COG4: variants seen among roughly 807,000 people sequenced by gnomAD.
COG4 encodes conserved oligomeric Golgi complex subunit 4.
In COG4, 65 loss-of-function variants were observed where a neutral mutation model predicts 95.1. That is an observed-to-expected ratio of 0.68 (90% confidence interval 0.56 to 0.84). COG4 has a LOEUF of 0.84. COG4 is among the 40% of genes least tolerant of loss of function. The probability of loss-of-function intolerance (pLI) is 0.00; values close to 1 mark genes in which losing one functional copy is unlikely to be tolerated. For missense variants in COG4, 1,045 were observed against 989.1 expected, an observed-to-expected ratio of 1.06 and a Z score of -0.76; for synonymous variants, 421 against 374.8, an observed-to-expected ratio of 1.12 and a Z score of -1.42.
chr16:70,498,082 T>C (rs370278656), intron 9 of COG4, 27 bp from the exon 10 acceptor site: 5 of 1,459,178 alleles, frequency 3.4e-6, no homozygotes, highest in Admixed American at 1.7e-5. Flanking sequence ...AAAGGAATAC[T>C]CATTTTTTTT....
At chr16:70,514,274 G>C (rs1462028881) in intron 4 of COG4, 61 bp downstream of exon 4, 1 of 1,482,926 alleles carries the variant, frequency 6.7e-7, no homozygotes, top group African/African-American at 1.4e-5. Context: ...GGTCGAGTCT[G>C]CTTACTTCAG....
chr16:70,509,400 G>C lies in COG4; in HGVS notation c.845-12C>G, dbSNP rs766724739. 75 of 1,613,998 alleles carry C rather than the reference G, an allele frequency of 4.6e-5. No homozygotes were observed. The highest frequency in any genetic ancestry group is 3.4e-5 in the Non-Finnish European group (40 of 1,179,974). On this transcript the variant is annotated splice_polypyrimidine_tract_variant and intron_variant, in intron 6 of 18. Transcript: ENST00000323786. Reference sequence around the variant, plus strand: ...AATGCGGGCAATCCCTAGAAGGGAGGAAGCAATAGGGTTATATTCCAAGTA... The same window carrying C: ...AATGCGGGCAATCCCTAGAAGGGAGCAAGCAATAGGGTTATATTCCAAGTA...
intron 12 of COG4, among the ~76,000 whole-genome samples, chr16:70,495,291 G>A (rs1248731526): frequency 1.3e-5 from 2 of 151,746 alleles, no homozygotes; most frequent in East Asian, 1.9e-4. Context: ...CAGCTACTCG[G>A]GAGGCTAAAG....
intron 13 of COG4, among the ~76,000 whole-genome samples, chr16:70,487,483 G>C (rs1370819556): frequency 6.6e-6 from 1 of 152,060 alleles, no homozygotes; most frequent in Non-Finnish European, 1.5e-5. Context: ...TATAATCCCA[G>C]CTACTCCAGA....
At chr16:70,487,655 C>T (rs1057050730) in intron 13 of COG4, among the ~76,000 whole-genome samples, 2 of 152,212 alleles carry the variant, frequency 1.3e-5, no homozygotes, top group African/African-American at 4.8e-5. Flanking sequence ...TTATGTTGTA[C>T]AAGTGTTCAC....
Position 70,482,194 on chromosome 16 carries a change from G to A in COG4, c.1921-19C>T, listed in dbSNP as rs770170687. 7.8e-6 allele frequency: 12 copies of A among 1,548,324 alleles called. No homozygotes were observed. The South Asian group carries it at 7.8e-5, about 10-fold the overall frequency. Reference sequence around the variant, plus strand: ...ATTCTTCCTGTTGTCAGGAAGCAGGGCTGGTCACCATGGGCCTCATAAGAA... The same window carrying A: ...ATTCTTCCTGTTGTCAGGAAGCAGGACTGGTCACCATGGGCCTCATAAGAA... On this transcript the variant is annotated intron_variant, in intron 15 of 18. Transcript: ENST00000323786.
chr16:70,495,969 C>T (rs2049331748), intron 12 of COG4, among the ~76,000 whole-genome samples: 1 of 152,194 alleles, frequency 6.6e-6, no homozygotes, highest in Non-Finnish European at 1.5e-5. Flanking sequence ...CAGATGCAAG[C>T]CAAGCTTGGC....
intron 12 of COG4, among the ~76,000 whole-genome samples, chr16:70,492,518 G>A (rs940386923): frequency 4.0e-5 from 6 of 151,832 alleles, no homozygotes; most frequent in African/African-American, 7.3e-5. Flanking sequence ...AAAATTAGCC[G>A]GGCGTGGTGG....
intron 8 of COG4, among the ~76,000 whole-genome samples, chr16:70,503,357 A>C (rs1300335953): frequency 6.6e-6 from 1 of 152,058 alleles, no homozygotes; most frequent in Non-Finnish European, 1.5e-5. Flanking sequence ...ACCTGACCCC[A>C]AGACATCTTT....
intron 11 of COG4, 81 bp downstream of exon 11, chr16:70,497,140 C>T: frequency 1.5e-6 from 2 of 1,354,088 alleles, no homozygotes; most frequent in Non-Finnish European, 2.1e-6. Context: ...ATCATGAGGA[C>T]AAAGGGCAGA....
At chr16:70,520,413 C>G (rs2049916302) in intron 1 of COG4, among the ~76,000 whole-genome samples, 1 of 108,522 alleles carries the variant, frequency 9.2e-6, no homozygotes, top group South Asian at 3.9e-4. Context: ...GAGCCGAGAT[C>G]ATGCCACTGC....
At chr16:70,503,775 T>C (rs1351625080) in intron 8 of COG4, among the ~76,000 whole-genome samples, 2 of 138,868 alleles carry the variant, frequency 1.4e-5, no homozygotes, top group Non-Finnish European at 2.9e-5. Context: ...TTTGTATTTT[T>C]AGTAGAGACG....
rs1379437889 is a variant in COG4 at position 70,480,786 on chromosome 16, C to T, written c.*224G>A. 2 of 577,416 alleles carry T rather than the reference C, an allele frequency of 3.5e-6. No individual in the cohort carries two copies. Among genetic ancestry groups the T allele is most frequent in the Admixed American group, 6.1e-5 (2 of 32,832 alleles). 35.8% of individuals were successfully genotyped at this position (577,416 alleles called of 1,614,324 possible). On this transcript the variant is annotated 3_prime_UTR_variant, in exon 19 of 19. Coordinates refer to ENST00000323786, the MANE Select transcript of COG4 (RefSeq NM_015386.3). Reference sequence around the variant, plus strand: ...CGTGGCTTTCCCACCTCATTAGGAGCCCGCTTCTCTCGGTGGGGAGATGCT... The same window carrying T: ...CGTGGCTTTCCCACCTCATTAGGAGTCCGCTTCTCTCGGTGGGGAGATGCT...
Position 70,480,814 on chromosome 16 carries a change from CCCCA to C in COG4, c.*192_*195del. The C allele has an allele frequency of 1.8e-5, 11 of 606,534 alleles. No homozygotes were observed. Among genetic ancestry groups the C allele is most frequent in the Non-Finnish European group, 3.1e-5 (11 of 351,280 alleles). 37.6% of individuals were successfully genotyped at this position (606,534 alleles called of 1,614,324 possible). A position where few individuals can be genotyped will look rare whatever the true frequency, so the allele number is the denominator to read the frequency against. On this transcript the variant is annotated 3_prime_UTR_variant, in exon 19 of 19. Coordinates refer to ENST00000323786, the MANE Select transcript of COG4 (RefSeq NM_015386.3). ...GCTTCTCTCGGTGGGGAGATGCTGC[CCCCA>C]GAGCATCACCTGGCCAGGTCTGAGG... is the stretch of plus-strand genomic sequence containing the variant.
chr16:70,500,929 C>G, intron 9 of COG4, 29 bp downstream of exon 9: 3 of 1,613,692 alleles, frequency 1.9e-6, no homozygotes, highest in Non-Finnish European at 2.5e-6. Flanking sequence ...TACCTCAACC[C>G]TCCCCAAAAA....
intron 2 of COG4, among the ~76,000 whole-genome samples, chr16:70,518,764 G>A (rs1421692727): frequency 2.0e-5 from 3 of 152,016 alleles, no homozygotes; most frequent in Admixed American, 2.0e-4. Context: ...ATCACTTGAG[G>A]TCAGGAGTTT....
chr16:70,504,940 C>T (rs993316709), intron 8 of COG4, among the ~76,000 whole-genome samples: 22 of 151,204 alleles, frequency 1.5e-4, no homozygotes, highest in Middle Eastern at 3.5e-3. Flanking sequence ...AGTCAAAATG[C>T]CGTTAGTGCA....
intron 9 of COG4, among the ~76,000 whole-genome samples, chr16:70,499,813 C>G (rs965173396): frequency 2.0e-5 from 3 of 152,126 alleles, no homozygotes; most frequent in African/African-American, 7.2e-5. Context: ...ACACCCGCCA[C>G]CACGCCCGGC....
intron 12 of COG4, among the ~76,000 whole-genome samples, chr16:70,491,851 A>C (rs963319934): frequency 2.8e-4 from 42 of 151,442 alleles, no homozygotes; most frequent in Admixed American, 7.2e-4. Flanking sequence ...AAAAAAAGTA[A>C]AATGATTCAC....
Sources: gnomAD v4.1 joint callset for allele counts (sites outside exome capture counted in the v4.1 genomes callset) on GRCh38, gnomAD v4.1.1 for gene constraint, MANE v1.5 for transcripts, NCBI Gene and HGNC (gene_info 2026-07-23, HGNC 2026-07-21) for gene names.